The following CARMIL1 variants were observed in gnomAD, a reference collection of about 807,000 sequenced individuals.
The protein encoded by CARMIL1 is capping protein regulator and myosin 1 linker 1.
A neutral mutation model predicts 177.1 loss-of-function variants in CARMIL1; 90 were observed. The observed-to-expected ratio is 0.51, with a 90% CI of 0.43 to 0.61. The LOEUF is 0.61. Ranked by LOEUF, CARMIL1 falls within the 20% of genes least tolerant of loss-of-function variation. The pLI, the probability that CARMIL1 is intolerant of heterozygous loss-of-function variation, is 0.00. For missense variants in CARMIL1, 1,380 were observed against 1,667.0 expected (o/e 0.83, Z 3.00); for synonymous variants, 577 against 606.2 (o/e 0.95, Z 0.71).
intron 31 of CARMIL1, among the ~76,000 whole-genome samples, chr6:25,584,010 CTTTTCTTTTCT>C (rs1364219959): frequency 6.9e-6 from 1 of 144,010 alleles, no homozygotes; most frequent in African/African-American, 2.6e-5. Context: ...GTACTTTTAT[CTTTTCTTTTCT>C]TTTTCTTTTT....
chr6:25,384,553 T>G (rs1234799895), intron 2 of CARMIL1, among the ~76,000 whole-genome samples: 1 of 152,224 alleles, frequency 6.6e-6, no homozygotes, highest in African/African-American at 2.4e-5. Context: ...CCTCCCCTGG[T>G]CCACTCAGTG....
At chr6:25,421,305 A>G (rs1227592643) in intron 3 of CARMIL1, among the ~76,000 whole-genome samples, 1 of 152,162 alleles carries the variant, frequency 6.6e-6, no homozygotes, top group Non-Finnish European at 1.5e-5. Flanking sequence ...AGAGAAATGC[A>G]AATCAAAACC....
chr6:25,349,726 T>C lies in CARMIL1; in HGVS notation c.138+64817T>C, dbSNP rs1291768518. Among the ~76,000 whole-genome samples, 7 of 14,140 alleles carry C rather than the reference T, an allele frequency of 5.0e-4. No homozygotes were observed. In the East Asian group the frequency reaches 0.022, roughly 45 times the overall value. The allele number at this position is 14,140 out of a possible 152,430, so 9.3% of individuals were successfully genotyped here. On this transcript the variant is annotated intron_variant, in intron 2 of 36. Coordinates refer to ENST00000329474, the MANE Select transcript of CARMIL1 (RefSeq NM_017640.6). ...GCCCTGATCTAAACCAGTCCCCTCA[T>C]TTTTTTTTTTTTTTTTTTTTTGAGA...
rs972085978 is a variant in CARMIL1, at chr6:25,606,189, C to T, written c.3763C>T (p.Pro1255Ser). The T allele has an allele frequency of 3.1e-6, 5 of 1,613,994 alleles. No homozygotes were observed. The highest frequency in any genetic ancestry group is 4.2e-6 in the Non-Finnish European group (5 of 1,179,886). The change falls in exon 35 of 37, where the codon CCG (proline) becomes TCG (serine). Residue 1255 changes from proline to serine, a missense_variant. Coordinates refer to ENST00000329474, the MANE Select transcript of CARMIL1 (RefSeq NM_017640.6). ...GAGCTCATCCAGCACACCTACGAGC[C>T]CGAAGCCCCTCCTGCAGTCCCCCAA... ...SRSSSSTPTS[P>S]KPLLQSPKPS...
At chr6:25,491,495 G>C (rs1315679934) in intron 13 of CARMIL1, among the ~76,000 whole-genome samples, 1 of 152,022 alleles carries the variant, frequency 6.6e-6, no homozygotes, top group Non-Finnish European at 1.5e-5. Context: ...ACAAAATGGG[G>C]GTTTGGTTTT....
chr6:25,606,092 C>G lies in CARMIL1; in HGVS notation c.3666C>G (p.Asn1222Lys). 1 of 1,613,860 alleles carries G rather than the reference C, an allele frequency of 6.2e-7. No homozygotes were observed. The highest frequency in any genetic ancestry group is 8.5e-7 in the Non-Finnish European group (1 of 1,179,830). The stretch of plus-strand genomic sequence containing the variant: ...AACTGCACCCAGGTCTTCCAGAGAA[C>G]CGCTTTGGTTTGGGAACACCAGAAA... ...VPKLHPGLPE[N>K]RFGLGTPEKN... The change falls in exon 35 of 37, where the codon AAC (asparagine) becomes AAG (lysine). Residue 1222 changes from asparagine (N) to lysine (K), a missense_variant. Asn to Lys is a moderately conservative substitution (Grantham distance 94, BLOSUM62 0). Coordinates refer to ENST00000329474, the MANE Select transcript of CARMIL1 (RefSeq NM_017640.6).
At chr6:25,416,195 A>G (rs1795344461) in intron 2 of CARMIL1, among the ~76,000 whole-genome samples, 1 of 152,172 alleles carries the variant, frequency 6.6e-6, no homozygotes, top group Admixed American at 6.5e-5. Flanking sequence ...CTCTCATTGT[A>G]CTGCTGGTCA....
intron 2 of CARMIL1, among the ~76,000 whole-genome samples, chr6:25,341,462 G>T (rs1445619777): frequency 6.6e-6 from 1 of 152,222 alleles, no homozygotes; most frequent in East Asian, 1.9e-4. Context: ...GGTGGCTCAT[G>T]CCTATAATCC....
chr6:25,315,579 G>T (rs1181731164), intron 2 of CARMIL1, among the ~76,000 whole-genome samples: 4 of 152,014 alleles, frequency 2.6e-5, no homozygotes, highest in Non-Finnish European at 4.4e-5. Context: ...ACCCGCCATT[G>T]TTTTTTTGTG....
At chr6:25,534,499 T>A (rs1808095501) in intron 24 of CARMIL1, among the ~76,000 whole-genome samples, 1 of 151,932 alleles carries the variant, frequency 6.6e-6, no homozygotes, top group African/African-American at 2.4e-5. Context: ...TCCGTACAAA[T>A]CTTTCAGGAC....
At chr6:25,414,097 A>G (rs9467504) in intron 2 of CARMIL1, among the ~76,000 whole-genome samples, 27,256 of 152,168 alleles carry the variant, frequency 0.18, 2,520 homozygotes, top group East Asian at 0.24. Flanking sequence ...ATCTTATTTA[A>G]TCCACACAAC....
chr6:25,510,529 C>T lies in CARMIL1; in HGVS notation c.1500C>T (p.Thr500=). 6.4e-7 allele frequency: 1 copy of T among 1,554,528 alleles called. No homozygotes were observed. Among genetic ancestry groups the T allele is most frequent in the Non-Finnish European group, 8.7e-7 (1 of 1,147,214 alleles). The change falls in exon 19 of 37, where the codon ACC becomes ACT. Residue 500 remains threonine (T), a synonymous_variant. Transcript: ENST00000329474. ...SDNGLESDLS[T]LIVWLSKNRS... ...CAGGTTTAGAATCTGACCTATCTACCTTAATAGTGTGGCTCAGTAAAAACA... is the reference window on the plus strand; with the variant it reads ...CAGGTTTAGAATCTGACCTATCTACTTTAATAGTGTGGCTCAGTAAAAACA...
intron 32 of CARMIL1, among the ~76,000 whole-genome samples, chr6:25,596,380 G>A (rs1021803068): frequency 3.3e-5 from 5 of 152,112 alleles, no homozygotes; most frequent in Admixed American, 6.6e-5. Context: ...GAAGTAGTAC[G>A]AAGAAAGTTT....
chr6:25,454,490 A>G (rs1269501629), intron 8 of CARMIL1, among the ~76,000 whole-genome samples: 1 of 152,206 alleles, frequency 6.6e-6, no homozygotes, highest in Non-Finnish European at 1.5e-5. Flanking sequence ...ACCTAGAGAA[A>G]AATCCAAGAT....
chr6:25,330,224 C>T (rs776971273), intron 2 of CARMIL1, among the ~76,000 whole-genome samples: 4 of 152,116 alleles, frequency 2.6e-5, no homozygotes, highest in Non-Finnish European at 4.4e-5. Context: ...TATAGACTGG[C>T]GTTGGCCCAG....
intron 32 of CARMIL1, among the ~76,000 whole-genome samples, chr6:25,596,742 T>C (rs1357946601): frequency 6.6e-6 from 1 of 152,144 alleles, no homozygotes; most frequent in Non-Finnish European, 1.5e-5. Flanking sequence ...AATGTTCCAA[T>C]GAGCATTTCT....
chr6:25,453,231 A>G (rs1378798571), intron 8 of CARMIL1, among the ~76,000 whole-genome samples: 1 of 151,616 alleles, frequency 6.6e-6, no homozygotes, highest in Non-Finnish European at 1.5e-5. Flanking sequence ...TGCTTGAAAG[A>G]TACAATTTTA....
rs142194547 is a variant in CARMIL1 at position 25,568,877 on chromosome 6, C to T, written c.2742+12027C>T. Among the ~76,000 whole-genome samples the T allele has an allele frequency of 6.9e-3, 1,055 of 152,214 alleles. 10 individuals carry two copies. Among genetic ancestry groups the T allele is most frequent in the African/African-American group, 0.021 (864 of 41,522 alleles). On this transcript the variant is annotated intron_variant, in intron 29 of 36. Coordinates refer to ENST00000329474, the MANE Select transcript of CARMIL1 (RefSeq NM_017640.6). ...CTGGAAGATTCATATGGGGTTTGTT[C>T]CAGTTAACATTAAATCAAACAATAG... is the stretch of plus-strand genomic sequence containing the variant.
chr6:25,473,862 G>A (rs1801286353), intron 11 of CARMIL1, among the ~76,000 whole-genome samples: 1 of 152,170 alleles, frequency 6.6e-6, no homozygotes, highest in African/African-American at 2.4e-5. Context: ...AAAGGATGAA[G>A]GACTGTAGTT....
Sources: gnomAD v4.1 joint callset for allele counts (sites outside exome capture counted in the v4.1 genomes callset) on GRCh38, gnomAD v4.1.1 for gene constraint, MANE v1.5 for transcripts, NCBI Gene and HGNC (gene_info 2026-07-23, HGNC 2026-07-21) for gene names.